ADAMTS3: variants seen among roughly 807,000 people sequenced by gnomAD.
The protein encoded by ADAMTS3 is A disintegrin and metalloproteinase with thrombospondin motifs 3.
ADAMTS3 carries 73 observed loss-of-function variants against 129.0 expected under a neutral mutation model. The ratio of observed to expected loss-of-function variants is 0.57; its 90% confidence interval spans 0.47 to 0.69. The LOEUF is 0.69. Among genes scored for constraint, ADAMTS3 ranks in the 30% least tolerant of loss-of-function variants. ADAMTS3 has a pLI of 0.00. For synonymous variants in ADAMTS3, 477 were observed against 510.8 expected, an observed-to-expected ratio of 0.93 and a Z score of 0.89; for missense variants, 1,457 against 1,514.5, an observed-to-expected ratio of 0.96 and a Z score of 0.63.
Position 72,399,832 on chromosome 4 carries a change from T to C in ADAMTS3, c.661+14983A>G, listed in dbSNP as rs1445463901. 6.0e-4 allele frequency among the ~76,000 whole-genome samples: 75 copies of C among 124,078 alleles called. 13 individuals carry two copies. The highest frequency in any genetic ancestry group is 1.9e-3 in the South Asian group (8 of 4,226). 81.4% of individuals were successfully genotyped at this position (124,078 alleles called of 152,430 possible). A position where few individuals can be genotyped will look rare whatever the true frequency, so the allele number is the denominator to read the frequency against. ...CACACACGGTGTGTATATACGTGTG[T>C]ATATATATACACACACGGTGTGTAT... On this transcript the variant is annotated intron_variant, in intron 4 of 21. Transcript: ENST00000286657.
At chr4:72,540,655 TG>T (rs1721297652) in intron 3 of ADAMTS3, among the ~76,000 whole-genome samples, 1 of 152,148 alleles carries the variant, frequency 6.6e-6, no homozygotes, top group African/African-American at 2.4e-5. Context: ...GTTGTCATGC[TG>T]TGTGCAGTCT....
chr4:72,384,022 T>G (rs2109882920), intron 4 of ADAMTS3, among the ~76,000 whole-genome samples: 1 of 151,700 alleles, frequency 6.6e-6, no homozygotes, highest in East Asian at 1.9e-4. Flanking sequence ...TAAATATATA[T>G]ATATTTTAAA....
chr4:72,415,203 A>G (rs1722275220), intron 3 of ADAMTS3, among the ~76,000 whole-genome samples: 1 of 152,216 alleles, frequency 6.6e-6, no homozygotes. Context: ...TACGGAATAC[A>G]AAATTTACAT....
In ADAMTS3 at chr4:72,356,664, A is replaced by T. The variant is rs189233036; in HGVS notation, c.662-16971T>A. Among the ~76,000 whole-genome samples the T allele has an allele frequency of 1.5e-3, 230 of 151,980 alleles. 5 individuals are homozygous for T. The highest frequency in any genetic ancestry group is 8.3e-3 in the Admixed American group (126 of 15,248). On this transcript the variant is annotated intron_variant, in intron 4 of 21. Transcript: ENST00000286657. ...AAATTCTACAGTAATCTACATATTA[A>T]TTTTTATAATTAATAAATGAATTAA...
intron 4 of ADAMTS3, among the ~76,000 whole-genome samples, chr4:72,374,250 T>G (rs748289368): frequency 1.3e-5 from 2 of 151,914 alleles, no homozygotes; most frequent in Non-Finnish European, 2.9e-5. Flanking sequence ...AAAACTGAGT[T>G]GCATCCTGTT....
At chr4:72,326,305 C>G (rs1175338942) in intron 5 of ADAMTS3, among the ~76,000 whole-genome samples, 2 of 152,022 alleles carry the variant, frequency 1.3e-5, no homozygotes, top group Non-Finnish European at 2.9e-5. Flanking sequence ...TTTTGATTTT[C>G]AAGGCTTAAA....
At position 72,317,183 on chromosome 4, in the gene ADAMTS3, A is replaced by C. The variant is rs189404893; in HGVS notation, c.1486-1212T>G. On this transcript the variant is annotated intron_variant, in intron 10 of 21. Coordinates refer to ENST00000286657, the MANE Select transcript of ADAMTS3 (RefSeq NM_014243.3). ...CTACATACACCCTTATGTGCATAGA[A>C]ATTTTTTTATTAGTACACATTTTTA... 3.9e-5 allele frequency among the ~76,000 whole-genome samples: 6 copies of C among 152,272 alleles called. No individual in the cohort carries two copies. The East Asian group carries it at 1.2e-3, about 29-fold the overall frequency.
chr4:72,473,623 A>C (rs906516739), intron 3 of ADAMTS3, among the ~76,000 whole-genome samples: 4 of 151,416 alleles, frequency 2.6e-5, no homozygotes, highest in African/African-American at 9.7e-5. Context: ...TTAGGCCTCC[A>C]TCTTGTCAAG....
intron 3 of ADAMTS3, among the ~76,000 whole-genome samples, chr4:72,527,433 C>T (rs1438918846): frequency 6.6e-6 from 1 of 152,126 alleles, no homozygotes; most frequent in Admixed American, 6.6e-5. Flanking sequence ...CCTCATGGGG[C>T]AAATACTATG....
chr4:72,380,467 G>A (rs1578629941), intron 4 of ADAMTS3, among the ~76,000 whole-genome samples: 1 of 152,226 alleles, frequency 6.6e-6, no homozygotes, highest in East Asian at 1.9e-4. Context: ...AAATTAATAA[G>A]GCAGTAATGA....
chr4:72,296,655 C>T (rs906028076), intron 18 of ADAMTS3, among the ~76,000 whole-genome samples: 12 of 152,062 alleles, frequency 7.9e-5, no homozygotes, highest in African/African-American at 2.9e-4. Flanking sequence ...TGATCCTTCA[C>T]TCCTAAATAC....
chr4:72,530,797 TATATATA>T (rs1721017870), intron 3 of ADAMTS3, among the ~76,000 whole-genome samples: 1 of 93,800 alleles, frequency 1.1e-5, no homozygotes, highest in Non-Finnish European at 2.0e-5. Context: ...CATTATATAT[TATATATA>T]TTATATATTA....
intron 3 of ADAMTS3, among the ~76,000 whole-genome samples, chr4:72,423,983 T>C (rs1160296896): frequency 6.6e-6 from 1 of 152,102 alleles, no homozygotes; most frequent in East Asian, 1.9e-4. Flanking sequence ...ACTCCCAGAA[T>C]TTTATCTATA....
intron 2 of ADAMTS3, among the ~76,000 whole-genome samples, chr4:72,553,086 G>C (rs1456836379): frequency 2.8e-5 from 1 of 35,336 alleles, no homozygotes; most frequent in East Asian, 5.6e-4. Flanking sequence ...GTTTGAGTCG[G>C]AAGGGGTATG....
intron 3 of ADAMTS3, among the ~76,000 whole-genome samples, chr4:72,494,019 T>G (rs1719811400): frequency 6.6e-6 from 1 of 152,208 alleles, no homozygotes; most frequent in Admixed American, 6.5e-5. Flanking sequence ...GTCTTTGACA[T>G]TTGACAATTT....
chr4:72,377,653 A>G (rs1721166550), intron 4 of ADAMTS3, among the ~76,000 whole-genome samples: 1 of 152,182 alleles, frequency 6.6e-6, no homozygotes, highest in Admixed American at 6.6e-5. Flanking sequence ...AAGTGGCATG[A>G]CATAGTTCCG....
chr4:72,517,541 A>T (rs200974221), intron 3 of ADAMTS3, among the ~76,000 whole-genome samples: 2 of 151,760 alleles, frequency 1.3e-5, no homozygotes, highest in African/African-American at 4.8e-5. Context: ...TCAGAGATTC[A>T]ACTTCTTCCT....
At chr4:72,374,872 A>C (rs1560491859) in intron 4 of ADAMTS3, among the ~76,000 whole-genome samples, 2 of 152,214 alleles carry the variant, frequency 1.3e-5, no homozygotes. Context: ...CTTGCTCTTG[A>C]TATAAGCAAC....
At chr4:72,391,629 G>A (rs1040951770) in intron 4 of ADAMTS3, among the ~76,000 whole-genome samples, 1 of 152,084 alleles carries the variant, frequency 6.6e-6, no homozygotes, top group African/African-American at 2.4e-5. Flanking sequence ...ATTTGAAATT[G>A]TTAATATTCA....
Sources: allele counts gnomAD v4.1 joint callset (sites outside exome capture counted in the v4.1 genomes callset), GRCh38; gene constraint gnomAD v4.1.1; transcripts MANE v1.5; gene names NCBI Gene and HGNC (gene_info 2026-07-23, HGNC 2026-07-21).